The following MTA3 variants were observed in gnomAD, a reference collection of about 807,000 sequenced individuals.
The protein encoded by MTA3 is metastasis-associated protein MTA3.
A neutral mutation model predicts 83.5 loss-of-function variants in MTA3; 34 were observed. The ratio of observed to expected loss-of-function variants is 0.41; its 90% CI spans 0.31 to 0.54. The LOEUF (loss-of-function observed/expected upper bound fraction) is 0.54, where lower values mean the gene tolerates loss of function less well. MTA3 is among the 20% of genes least tolerant of loss of function. The probability of loss-of-function intolerance (pLI) is 0.33; values close to 1 mark genes in which losing one functional copy is unlikely to be tolerated. For missense variants in MTA3, 761 were observed against 726.4 expected, an observed-to-expected ratio of 1.05 and a Z score of -0.55; for synonymous variants, 303 against 252.7, an observed-to-expected ratio of 1.20 and a Z score of -1.89.
chr2:42,608,585 A>G (rs1683788554), intron 3 of MTA3, among the ~76,000 whole-genome samples: 1 of 152,176 alleles, frequency 6.6e-6, no homozygotes, highest in South Asian at 2.1e-4. Context: ...TATATTTGAT[A>G]AAATCCCTTC....
chr2:42,542,326 C>T (rs1227021407), intron 2 of MTA3, among the ~76,000 whole-genome samples: 3 of 152,136 alleles, frequency 2.0e-5, no homozygotes, highest in Non-Finnish European at 4.4e-5. Context: ...CTTTCTGTTA[C>T]GTTATAATCC....
intron 7 of MTA3, among the ~76,000 whole-genome samples, chr2:42,657,264 C>G (rs149057200): frequency 1.2e-3 from 185 of 152,270 alleles, no homozygotes; most frequent in African/African-American, 4.2e-3. Context: ...AGTCTTGGCT[C>G]ATCCTTAGAT....
chr2:42,534,962 A>C lies in MTA3; in HGVS notation c.-140-35475A>C, dbSNP rs539167373. On this transcript the variant is annotated intron_variant, in intron 2 of 17. Transcript: ENST00000405592. ...CTAACAGCCTTCTTGGACCTGAGAC[A>C]ATGAATGAATGAAAGCAGACAAACA... Among the ~76,000 whole-genome samples, 12 of 152,204 alleles carry C rather than the reference A, an allele frequency of 7.9e-5. No homozygotes were observed. In the South Asian group the frequency reaches 1.9e-3, roughly 24 times the overall value.
At chr2:42,576,667 G>A (rs1462158561) in intron 2 of MTA3, among the ~76,000 whole-genome samples, 1 of 152,252 alleles carries the variant, frequency 6.6e-6, no homozygotes, top group Admixed American at 6.5e-5. Context: ...TCGGGAGGCC[G>A]AGGTGGGTGG....
intron 2 of MTA3, among the ~76,000 whole-genome samples, chr2:42,506,493 G>C (rs1406634444): frequency 6.6e-6 from 1 of 151,822 alleles, no homozygotes; most frequent in East Asian, 1.9e-4. Context: ...AAAATAAAAT[G>C]TTAACACCTT....
chr2:42,718,687 C>T (rs1014988605), intron 14 of MTA3, among the ~76,000 whole-genome samples: 3 of 151,920 alleles, frequency 2.0e-5, no homozygotes, highest in African/African-American at 7.2e-5. Flanking sequence ...TGCTTGAACC[C>T]AGGAGGTGGA....
chr2:42,535,578 C>G (rs553197426), intron 2 of MTA3, among the ~76,000 whole-genome samples: 79 of 152,172 alleles, frequency 5.2e-4, no homozygotes, highest in Non-Finnish European at 9.1e-4. Flanking sequence ...AATACTTCTA[C>G]TTGCATTTCA....
chr2:42,723,583 A>T (rs1287367612), intron 16 of MTA3, among the ~76,000 whole-genome samples: 1 of 152,234 alleles, frequency 6.6e-6, no homozygotes, highest in Non-Finnish European at 1.5e-5. Context: ...ATCACCTCTT[A>T]TCCAAAGTAC....
intron 2 of MTA3, among the ~76,000 whole-genome samples, chr2:42,528,354 G>A (rs1295268583): frequency 6.6e-6 from 1 of 152,018 alleles, no homozygotes; most frequent in East Asian, 1.9e-4. Flanking sequence ...CAAGTAGCTG[G>A]GATTACAGGC....
At chr2:42,527,501 G>GAACAAAATC (rs1675769575) in intron 2 of MTA3, among the ~76,000 whole-genome samples, 1 of 152,036 alleles carries the variant, frequency 6.6e-6, no homozygotes, top group Non-Finnish European at 1.5e-5. Flanking sequence ...CAATAGCAAT[G>GAACAAAATC]AACAAAATCA....
chr2:42,591,218 C>A (rs1306850123), intron 3 of MTA3, among the ~76,000 whole-genome samples: 1 of 152,140 alleles, frequency 6.6e-6, no homozygotes. Flanking sequence ...GCAGGTGTTA[C>A]CCAATTTTGG....
intron 2 of MTA3, among the ~76,000 whole-genome samples, chr2:42,521,344 C>T (rs1487503807): frequency 1.3e-5 from 2 of 152,124 alleles, no homozygotes; most frequent in South Asian, 4.1e-4. Context: ...GAAGCAGACC[C>T]CACCCCATCG....
At chr2:42,517,864 CAAAAAAAA>C (rs386390061) in intron 2 of MTA3, among the ~76,000 whole-genome samples, 2 of 95,274 alleles carry the variant, frequency 2.1e-5, no homozygotes, top group South Asian at 3.5e-4. Flanking sequence ...GACTCTGTCT[CAAAAAAAA>C]AAAAAAAAAG....
At chr2:42,615,282 A>G (rs941463876) in intron 4 of MTA3, among the ~76,000 whole-genome samples, 2 of 148,038 alleles carry the variant, frequency 1.4e-5, no homozygotes, top group Non-Finnish European at 3.0e-5. Context: ...TTTAATGTTT[A>G]CTATGGAACA....
At chr2:42,495,042 A>G (rs1207877522) in intron 1 of MTA3, 1 of 152,618 alleles carries the variant, frequency 6.6e-6, no homozygotes, top group African/African-American at 2.4e-5. Flanking sequence ...GATGCAAAAC[A>G]AATACTAGAA....
At chr2:42,610,972 CT>C (rs769378056) in intron 4 of MTA3, among the ~76,000 whole-genome samples, 1 of 147,778 alleles carries the variant, frequency 6.8e-6, no homozygotes, top group Non-Finnish European at 1.5e-5. Flanking sequence ...TGCATTATTT[CT>C]TTTCTTTTCT....
Position 42,716,969 on chromosome 2 carries a change from T to G in MTA3, c.1526-2019T>G, listed in dbSNP as rs192790433. 3.9e-3 allele frequency among the ~76,000 whole-genome samples: 592 copies of G among 152,298 alleles called. 4 individuals are homozygous for G. The highest frequency in any genetic ancestry group is 0.013 in the African/African-American group (526 of 41,562). The stretch of plus-strand genomic sequence containing the variant: ...CCGTGTATAGCATTTCTTTTTCTCT[T>G]CAACCTGTTTTCTCTGCCAGCATCT... On this transcript the variant is annotated intron_variant, in intron 14 of 16. Transcript: ENST00000405094.
intron 3 of MTA3, among the ~76,000 whole-genome samples, chr2:42,596,802 T>G (rs1401805448): frequency 6.6e-6 from 1 of 152,228 alleles, no homozygotes; most frequent in African/African-American, 2.4e-5. Flanking sequence ...TATTTTCATG[T>G]GACTAGTTGA....
rs1358553280 is a variant in MTA3 at position 42,754,148 on chromosome 2, CAGTTGTTAA to C, written c.*751_*759del. The C allele has an allele frequency of 1.0e-6, 1 of 985,362 alleles. No homozygotes were observed. The highest frequency in any genetic ancestry group is 1.7e-5 in the African/African-American group (1 of 57,228). 61.0% of individuals were successfully genotyped at this position (985,362 alleles called of 1,614,324 possible). ...TGGTCACAGACAGCTCCAGCAAGAG[CAGTTGTTAA>C]AAGTGCCAAGCGTGTGTATCACTGT... On this transcript the variant is annotated 3_prime_UTR_variant, in exon 17 of 17. Transcript: ENST00000405094.
Sources: gnomAD v4.1 joint callset for allele counts (sites outside exome capture counted in the v4.1 genomes callset) on GRCh38, gnomAD v4.1.1 for gene constraint, MANE v1.5 for transcripts, NCBI Gene and HGNC (gene_info 2026-07-23, HGNC 2026-07-21) for gene names.